The following MARCHF10 variants were observed in gnomAD, a reference collection of about 807,000 sequenced individuals.
MARCHF10 encodes probable E3 ubiquitin-protein ligase MARCHF10.
MARCHF10 carries 64 observed loss-of-function variants against 76.2 expected under a neutral mutation model. The observed-to-expected ratio is 0.84, with a 90% confidence interval of 0.69 to 1.03. MARCHF10 has a LOEUF of 1.03. Among genes scored for constraint, MARCHF10 ranks in the 50% least tolerant of loss-of-function variants. MARCHF10 has a pLI of 0.00. For missense variants in MARCHF10, 875 were observed against 958.0 expected (o/e 0.91, Z 1.14); for synonymous variants, 340 against 357.5 (o/e 0.95, Z 0.55).
intron 3 of MARCHF10, among the ~76,000 whole-genome samples, chr17:62,766,291 G>C (rs946351665): frequency 6.6e-6 from 1 of 152,042 alleles, no homozygotes; most frequent in Non-Finnish European, 1.5e-5. Context: ...ACCTGAGGTT[G>C]GGAGTTCAAG....
intron 3 of MARCHF10, among the ~76,000 whole-genome samples, chr17:62,764,876 T>G (rs906199233): frequency 6.6e-6 from 1 of 152,212 alleles, no homozygotes; most frequent in African/African-American, 2.4e-5. Context: ...AATTGTACGC[T>G]TGGACAATAA....
chr17:62,775,675 T>C (rs1306894908), intron 3 of MARCHF10, among the ~76,000 whole-genome samples: 2 of 152,052 alleles, frequency 1.3e-5, no homozygotes, highest in Non-Finnish European at 2.9e-5. Flanking sequence ...AATAAAGCAA[T>C]ATAAAAACAA....
At chr17:62,701,812 G>T (rs1208341440) in intron 10 of MARCHF10, 54 bp from the exon 11 acceptor site, 4 of 1,609,920 alleles carry the variant, frequency 2.5e-6, no homozygotes, top group Admixed American at 1.7e-5. Context: ...CCGTGGGTCT[G>T]TTACAGGGGG....
intron 3 of MARCHF10, among the ~76,000 whole-genome samples, chr17:62,767,268 T>C (rs2092353422): frequency 9.1e-6 from 1 of 109,700 alleles, no homozygotes. Context: ...TCCTGCAAAT[T>C]TGCCAGTCAA....
At position 62,808,225 on chromosome 17, in the gene MARCHF10, C is replaced by G. The variant is rs1424738428; in HGVS notation, c.-166G>C. 2 of 152,880 alleles carry G rather than the reference C, an allele frequency of 1.3e-5. No homozygotes were observed. The highest frequency in any genetic ancestry group is 4.8e-5 in the African/African-American group (2 of 41,488). The allele number at this position is 152,880 out of a possible 1,614,324, so 9.5% of individuals were successfully genotyped here. A position where few individuals can be genotyped will look rare whatever the true frequency, so the allele number is the denominator to read the frequency against. On this transcript the variant is annotated 5_prime_UTR_variant, in exon 1 of 11. Coordinates refer to ENST00000311269, the MANE Select transcript of MARCHF10 (RefSeq NM_152598.4). ...CCTCCTCTTTTTGCTTCTTCACTCC[C>G]TACACCTGCCCCTCTTCCTCCTCCT... is the stretch of plus-strand genomic sequence containing the variant.
Position 62,738,077 on chromosome 17 carries a change from C to CACACACACACAT in MARCHF10, c.536-746_536-745insATGTGTGTGTGT, listed in dbSNP as rs1354973485. Among the ~76,000 whole-genome samples the CACACACACACAT allele has an allele frequency of 1.3e-5, 2 of 150,888 alleles. No homozygotes were observed. The highest frequency in any genetic ancestry group is 3.0e-5 in the Non-Finnish European group (2 of 67,654). ...TCTCTCTGTCACACACACACACACA[C>CACACACACACAT]ACACACACACACACACACACACAAC... On this transcript the variant is annotated intron_variant, in intron 5 of 10. Transcript: ENST00000311269. This position sits in a 1 kb window ranked among gnomAD's most constrained non-coding sequence, Gnocchi z 4.0.
At chr17:62,801,563 T>C in intron 2 of MARCHF10, 83 bp downstream of exon 2, 1 of 1,256,752 alleles carries the variant, frequency 8.0e-7, no homozygotes, top group Non-Finnish European at 1.2e-6. Context: ...TTTTACTGCT[T>C]ATCATACGTT....
At chr17:62,766,116 C>T (rs182945906) in intron 3 of MARCHF10, among the ~76,000 whole-genome samples, 8 of 150,118 alleles carry the variant, frequency 5.3e-5, no homozygotes, top group East Asian at 2.0e-4. Context: ...GGATTGCCCA[C>T]GCCTAGGAGG....
intron 1 of MARCHF10, among the ~76,000 whole-genome samples, chr17:62,807,566 C>T (rs968849506): frequency 1.3e-5 from 2 of 152,080 alleles, no homozygotes; most frequent in East Asian, 1.9e-4. Flanking sequence ...TAACAATATC[C>T]AGCCAGAGAA....
Position 62,767,032 on chromosome 17 carries a change from C to T in MARCHF10, c.211-7026G>A, listed in dbSNP as rs79181480. 6.8e-3 allele frequency among the ~76,000 whole-genome samples: 1,027 copies of T among 152,098 alleles called. 10 individuals are homozygous for T. Among genetic ancestry groups the T allele is most frequent in the African/African-American group, 0.023 (969 of 41,480 alleles). On this transcript the variant is annotated intron_variant, in intron 3 of 10. Coordinates refer to ENST00000311269, the MANE Select transcript of MARCHF10 (RefSeq NM_152598.4). ...GCTAGGCTGGAGGTAGCACATGAGCCGCAGGATGGATGGAGTGAAAAGAGC... is the reference window on the plus strand; with the variant it reads ...GCTAGGCTGGAGGTAGCACATGAGCTGCAGGATGGATGGAGTGAAAAGAGC...
At chr17:62,798,442 T>TTA (rs1371010631) in intron 2 of MARCHF10, among the ~76,000 whole-genome samples, 8 of 86,424 alleles carry the variant, frequency 9.3e-5, no homozygotes, top group African/African-American at 3.4e-4. Context: ...TGGGAAACAT[T>TTA]AAAAAAAAAA....
chr17:62,778,838 G>A (rs1185831777), intron 3 of MARCHF10, among the ~76,000 whole-genome samples: 1 of 152,174 alleles, frequency 6.6e-6, no homozygotes, highest in Non-Finnish European at 1.5e-5. Flanking sequence ...AGAAGGCAGA[G>A]TCTAAGATAA....
At chr17:62,766,556 C>G (rs1174127149) in intron 3 of MARCHF10, among the ~76,000 whole-genome samples, 2 of 152,080 alleles carry the variant, frequency 1.3e-5, no homozygotes, top group African/African-American at 4.8e-5. Flanking sequence ...AATAGTTTAA[C>G]AGCACATTGA....
chr17:62,725,288 G>T (rs371913303), intron 6 of MARCHF10, among the ~76,000 whole-genome samples, 184 bp from the exon 7 acceptor site: 7 of 152,098 alleles, frequency 4.6e-5, no homozygotes, highest in African/African-American at 1.7e-4. Flanking sequence ...TTTTGAAACA[G>T]AGTCTCACTC....
intron 3 of MARCHF10, among the ~76,000 whole-genome samples, chr17:62,783,443 C>A (rs997911098): frequency 6.6e-5 from 10 of 151,856 alleles, no homozygotes; most frequent in Non-Finnish European, 1.2e-4. Flanking sequence ...AAAATCGACA[C>A]CCTAACATCA....
chr17:62,801,220 G>A (rs981309339), intron 2 of MARCHF10, among the ~76,000 whole-genome samples: 11 of 152,064 alleles, frequency 7.2e-5, no homozygotes, highest in African/African-American at 1.9e-4. Context: ...GTGCAGTGGC[G>A]CGATCTCGGC....
At chr17:62,705,691 A>G in intron 9 of MARCHF10, 110 bp from the exon 10 acceptor site, 1 of 1,346,824 alleles carries the variant, frequency 7.4e-7, no homozygotes, top group Non-Finnish European at 1.0e-6. Flanking sequence ...ACACCACTTT[A>G]AAGGGGCAGG....
At chr17:62,755,721 GCTGT>G (rs1329794976) in intron 4 of MARCHF10, among the ~76,000 whole-genome samples, 4 of 152,164 alleles carry the variant, frequency 2.6e-5, no homozygotes, top group African/African-American at 4.8e-5. Flanking sequence ...CTTGGTGAAT[GCTGT>G]CTGATTCTTC....
At chr17:62,781,323 G>GT (rs549884125) in intron 3 of MARCHF10, among the ~76,000 whole-genome samples, 65 of 152,276 alleles carry the variant, frequency 4.3e-4, no homozygotes, top group African/African-American at 1.5e-3. Flanking sequence ...ATAATGTACT[G>GT]TAATGTCAGT....
Sources: allele counts gnomAD v4.1 joint callset (sites outside exome capture counted in the v4.1 genomes callset), GRCh38; gene constraint gnomAD v4.1.1; non-coding constraint Gnocchi (gnomAD v3.1); transcripts MANE v1.5; gene names NCBI Gene and HGNC (gene_info 2026-07-23, HGNC 2026-07-21).